Variants in ATP6V1A observed in about 807,000 individuals in gnomAD.
ATP6V1A encodes the protein V-type proton ATPase catalytic subunit A.
Under a neutral mutation model 70.1 loss-of-function variants are expected in ATP6V1A, and 18 were observed. That is an observed-to-expected ratio of 0.26 (90% CI 0.18 to 0.38). The LOEUF (loss-of-function observed/expected upper bound fraction) is 0.38. ATP6V1A is among the 10% of genes least tolerant of loss of function. ATP6V1A has a pLI of 1.00. For missense variants in ATP6V1A, 424 were observed against 772.4 expected, an observed-to-expected ratio of 0.55 and a Z score of 5.35; for synonymous variants, 232 against 253.8, an observed-to-expected ratio of 0.91 and a Z score of 0.82.
chr3:113,799,807 C>CTA (rs1486440496), intron 12 of ATP6V1A, among the ~76,000 whole-genome samples: 3 of 152,118 alleles, frequency 2.0e-5, no homozygotes, highest in Non-Finnish European at 4.4e-5. Flanking sequence ...GCAACAAAAA[C>CTA]TAGAGTGTAG....
intron 1 of ATP6V1A, among the ~76,000 whole-genome samples, chr3:113,752,980 A>G (rs1708604179): frequency 6.6e-6 from 1 of 152,200 alleles, no homozygotes; most frequent in Non-Finnish European, 1.5e-5. Context: ...TCATAAAAGT[A>G]TGGATAGACA....
chr3:113,782,560 G>GTATATATATACACGTATATATATA (rs1559755557), intron 3 of ATP6V1A, among the ~76,000 whole-genome samples: 1 of 141,898 alleles, frequency 7.0e-6, no homozygotes, highest in African/African-American at 2.6e-5. Context: ...ATATATACAT[G>GTATATATATACACGTATATATATA]TGTATATATA....
intron 1 of ATP6V1A, among the ~76,000 whole-genome samples, chr3:113,766,272 ATCTCTCTCTCTT>A (rs1402969955): frequency 4.6e-5 from 7 of 151,048 alleles, no homozygotes; most frequent in Non-Finnish European, 8.9e-5. Context: ...AGCAGAGATC[ATCTCTCTCTCTT>A]TCTCTCTCTC....
In ATP6V1A at chr3:113,788,704, T is replaced by G. The variant is rs1709063132; in HGVS notation, c.717-9T>G. The G allele has an allele frequency of 6.2e-7, 1 of 1,604,092 alleles. No homozygotes were observed. The highest frequency in any genetic ancestry group is 1.1e-5 in the South Asian group (1 of 89,414). On this transcript the variant is annotated splice_polypyrimidine_tract_variant and intron_variant, in intron 6 of 14. Coordinates refer to ENST00000273398, the MANE Select transcript of ATP6V1A (RefSeq NM_001690.4). ...GTCAAGTAATCCATACTTTGTTTTC[T>G]TTGTTTAGGTGTGTCCAGGGAGGAA...
intron 4 of ATP6V1A, 126 bp downstream of exon 4, chr3:113,784,564 TAACTC>T: frequency 7.2e-7 from 1 of 1,397,572 alleles, no homozygotes; most frequent in Non-Finnish European, 9.7e-7. Flanking sequence ...AAGTTTTTCT[TAACTC>T]TACTTCATGG....
intron 6 of ATP6V1A, among the ~76,000 whole-genome samples, chr3:113,788,506 CTT>C (rs371598625): frequency 2.1e-5 from 3 of 142,544 alleles, no homozygotes; most frequent in Admixed American, 7.0e-5. Flanking sequence ...GCTAATTTTT[CTT>C]TTTTTTTTTG....
chr3:113,775,208 C>T (rs978430552), intron 1 of ATP6V1A, among the ~76,000 whole-genome samples: 1 of 150,030 alleles, frequency 6.7e-6, no homozygotes, highest in African/African-American at 2.5e-5. Context: ...TTTTTGTAAG[C>T]GTATTACATT....
chr3:113,783,663 G>A (rs535902171), intron 3 of ATP6V1A, among the ~76,000 whole-genome samples: 1 of 152,294 alleles, frequency 6.6e-6, no homozygotes, highest in South Asian at 2.1e-4. Context: ...ACACAGGAAT[G>A]TTAGACATAT....
intron 3 of ATP6V1A, among the ~76,000 whole-genome samples, chr3:113,782,005 A>G (rs893650975): frequency 6.6e-6 from 1 of 152,204 alleles, no homozygotes; most frequent in Admixed American, 6.5e-5. Flanking sequence ...TCAATTTTCT[A>G]TGAAAAATAA....
At position 113,781,055 on chromosome 3, in the gene ATP6V1A, A is replaced by G. The variant is rs760371089; in HGVS notation, c.88A>G (p.Thr30Ala). Residue 30 changes from threonine (T) to alanine (A), a missense_variant, in exon 3 of 15, where the codon ACA becomes GCA. Physicochemically the swap from Thr to Ala is moderately conservative, Grantham distance 58. Transcript: ENST00000273398. ...TAGTCTTTTGTTCTCTTCAGTGGTT[A>G]CAGCCTGTGACATGGCGGGTGCAGC... Reference protein sequence around the residue: ...YVHGVSGPVVTACDMAGAAMY... With the variant: ...YVHGVSGPVVAACDMAGAAMY... 7 of 1,606,414 alleles carry G rather than the reference A, an allele frequency of 4.4e-6. No homozygotes were observed. The highest frequency in any genetic ancestry group is 1.7e-6 in the Non-Finnish European group (2 of 1,177,474).
chr3:113,765,345 T>C (rs1316868073), intron 1 of ATP6V1A, among the ~76,000 whole-genome samples: 1 of 152,164 alleles, frequency 6.6e-6, no homozygotes, highest in African/African-American at 2.4e-5. Context: ...CCAGGCGTAG[T>C]GGCTCATCCA....
chr3:113,766,595 C>T (rs1277470408), intron 1 of ATP6V1A, among the ~76,000 whole-genome samples: 1 of 152,086 alleles, frequency 6.6e-6, no homozygotes, highest in Non-Finnish European at 1.5e-5. Context: ...GCATCCAGCT[C>T]AGAGATCATC....
intron 8 of ATP6V1A, among the ~76,000 whole-genome samples, chr3:113,792,899 TTTA>T (rs1260773242): frequency 1.3e-5 from 2 of 152,234 alleles, no homozygotes; most frequent in East Asian, 3.8e-4. Context: ...CTATTCTTGC[TTTA>T]TTAGATACCT....
At chr3:113,784,081 A>G in intron 3 of ATP6V1A, 143 bp from the exon 4 acceptor site, 1 of 715,414 alleles carries the variant, frequency 1.4e-6, no homozygotes, top group Middle Eastern at 3.4e-4. Context: ...GTTACTGAAA[A>G]CACTATGAAT....
At position 113,784,216 on chromosome 3, in the gene ATP6V1A, G is replaced by A; in HGVS notation, c.212-8G>A. The A allele has an allele frequency of 6.2e-7, 1 of 1,613,246 alleles. No homozygotes were observed. Among genetic ancestry groups the A allele is most frequent in the Non-Finnish European group, 8.5e-7 (1 of 1,179,246 alleles). ...TCATAGTAGGTTTTCCTTAGCTGCT[G>A]TTTTTAGCTGGTGTGTCTGTTGGAG... On this transcript the variant is annotated splice_polypyrimidine_tract_variant and splice_region_variant and intron_variant, in intron 3 of 14. Transcript: ENST00000273398.
In ATP6V1A at chr3:113,772,691, G is replaced by C. The variant is rs185340920; in HGVS notation, c.-13-6050G>C. On this transcript the variant is annotated intron_variant, in intron 1 of 14. Coordinates refer to ENST00000273398, the MANE Select transcript of ATP6V1A (RefSeq NM_001690.4). ...TGCAGTGAGCCAAGATTGCACCACT[G>C]CACTCCAGCCTGGGCGACAGAGCAA... Among the ~76,000 whole-genome samples the C allele has an allele frequency of 9.4e-3, 1,400 of 148,628 alleles. 18 individuals are homozygous for C. Among genetic ancestry groups the C allele is most frequent in the African/African-American group, 0.032 (1,304 of 40,340 alleles).
chr3:113,798,550 A>C, intron 12 of ATP6V1A, 104 bp downstream of exon 12: 3 of 935,950 alleles, frequency 3.2e-6, no homozygotes, highest in Non-Finnish European at 4.4e-6. Context: ...AGCAAAATAA[A>C]TATTTATTAA....
rs770552138 is a variant in ATP6V1A, at chr3:113,811,111, C to T, written c.*1684C>T. 1.3e-5 allele frequency: 2 copies of T among 152,150 alleles called. No individual in the cohort carries two copies. Among genetic ancestry groups the T allele is most frequent in the Admixed American group, 6.5e-5 (1 of 15,276 alleles). 9.4% of individuals were successfully genotyped at this position (152,150 alleles called of 1,614,324 possible). A position where few individuals can be genotyped will look rare whatever the true frequency, so the allele number is the denominator to read the frequency against. On this transcript the variant is annotated 3_prime_UTR_variant, in exon 15 of 15. Coordinates refer to ENST00000273398, the MANE Select transcript of ATP6V1A (RefSeq NM_001690.4). Reference sequence around the variant, plus strand: ...TCTTTCTGACCAATAGTGCTGGCACCGTTGCTTCCTCTTTGGGAAGAGGAA... The same window carrying T: ...TCTTTCTGACCAATAGTGCTGGCACTGTTGCTTCCTCTTTGGGAAGAGGAA...
intron 1 of ATP6V1A, among the ~76,000 whole-genome samples, chr3:113,752,229 G>A (rs759754094): frequency 4.5e-4 from 68 of 151,842 alleles, no homozygotes; most frequent in Non-Finnish European, 7.1e-4. Context: ...CTTGAGCAAT[G>A]AAAAGCAACC....
Sources: allele counts gnomAD v4.1 joint callset (sites outside exome capture counted in the v4.1 genomes callset), GRCh38; gene constraint gnomAD v4.1.1; transcripts MANE v1.5; gene names NCBI Gene and HGNC (gene_info 2026-07-23, HGNC 2026-07-21).